SYNJ2: variants seen among roughly 807,000 people sequenced by gnomAD.
SYNJ2 encodes polyphosphatidylinositol phosphatase SYNJ2.
In SYNJ2, 116 loss-of-function variants were observed where a neutral mutation model predicts 141.3. The ratio of observed to expected loss-of-function variants is 0.82; its 90% CI spans 0.71 to 0.96. The LOEUF (loss-of-function observed/expected upper bound fraction) is 0.96, where lower values mean the gene tolerates loss of function less well. SYNJ2 is among the 40% of genes least tolerant of loss of function. The probability of loss-of-function intolerance (pLI) is 0.00; values close to 1 mark genes in which losing one functional copy is unlikely to be tolerated. For synonymous variants in SYNJ2, 745 were observed against 777.7 expected, an observed-to-expected ratio of 0.96 and a Z score of 0.70; for missense variants, 1,873 against 1,934.8, an observed-to-expected ratio of 0.97 and a Z score of 0.60.
intron 11 of SYNJ2, 149 bp from the exon 12 acceptor site, chr6:158,066,295 C>T (rs1398649832): frequency 1.2e-6 from 1 of 866,510 alleles, no homozygotes; most frequent in Non-Finnish European, 1.8e-6. Context: ...GGTTTTAAGC[C>T]TTTTGTCGTC....
intron 2 of SYNJ2, chr6:158,028,482 AG>A (rs1779179886): frequency 4.0e-6 from 2 of 500,000 alleles, no homozygotes; most frequent in East Asian, 7.1e-5. Flanking sequence ...CCCCAGCCTC[AG>A]GCAGCTGGGC....
At chr6:158,016,341 T>A (rs1778455100) in intron 1 of SYNJ2, among the ~76,000 whole-genome samples, 2 of 152,224 alleles carry the variant, frequency 1.3e-5, no homozygotes, top group Admixed American at 6.5e-5. Context: ...CTCGAACTTC[T>A]GACCTCAGGT....
rs527837632 is a variant in SYNJ2, at chr6:158,084,894, G to T, written c.3208+720G>T. Among the ~76,000 whole-genome samples, 1 of 151,632 alleles carries T rather than the reference G, an allele frequency of 6.6e-6. No individual in the cohort carries two copies. Among genetic ancestry groups the T allele is most frequent in the African/African-American group, 2.4e-5 (1 of 41,204 alleles). ...CTATGTCCTGAGTTGCTGGCGTATG[G>T]TCACACTCATATAATATCATATTAT... is the stretch of plus-strand genomic sequence containing the variant. On this transcript the variant is annotated intron_variant, in intron 22 of 26. Transcript: ENST00000355585. This position sits in a 1 kb window ranked among gnomAD's most constrained non-coding sequence, Gnocchi z 5.0.
At chr6:158,025,972 A>AATACATAC (rs112464236) in intron 2 of SYNJ2, among the ~76,000 whole-genome samples, 4 of 128,730 alleles carry the variant, frequency 3.1e-5, no homozygotes, top group Non-Finnish European at 5.0e-5. Context: ...ATAAATAAAT[A>AATACATAC]ATACATGCAT....
intron 1 of SYNJ2, among the ~76,000 whole-genome samples, chr6:158,011,170 C>T (rs925672611): frequency 1.7e-4 from 26 of 152,162 alleles, no homozygotes; most frequent in African/African-American, 4.8e-4. Flanking sequence ...AATTGCCACG[C>T]GACGACGGAG....
rs576994570 is a variant in SYNJ2 at position 158,027,706 on chromosome 6, C to T, written c.215-1050C>T. 3 of 152,356 alleles carry T rather than the reference C, an allele frequency of 2.0e-5. No homozygotes were observed. The East Asian group carries it at 5.8e-4, about 30-fold the overall frequency. 9.4% of individuals were successfully genotyped at this position (152,356 alleles called of 1,614,324 possible). Reference sequence around the variant, plus strand: ...TGGGGGCACAGGTGGGGAGGGAGGTCATGAGCTTTGTGTGTGTGACAACTG... The same window carrying T: ...TGGGGGCACAGGTGGGGAGGGAGGTTATGAGCTTTGTGTGTGTGACAACTG... On this transcript the variant is annotated intron_variant, in intron 2 of 26. Coordinates refer to ENST00000355585, the MANE Select transcript of SYNJ2 (RefSeq NM_003898.4). This position sits in a 1 kb window ranked among gnomAD's most constrained non-coding sequence, Gnocchi z 4.6.
intron 1 of SYNJ2, among the ~76,000 whole-genome samples, chr6:158,011,410 C>T (rs184569443): frequency 1.3e-5 from 2 of 152,280 alleles, no homozygotes; most frequent in East Asian, 3.9e-4. Context: ...GGAGAAACAT[C>T]TTCTCATGAT....
At position 158,064,763 on chromosome 6, in the gene SYNJ2, C is replaced by T. The variant is rs768513628; in HGVS notation, c.1359+13C>T. 14 of 1,612,988 alleles carry T rather than the reference C, an allele frequency of 8.7e-6. No homozygotes were observed. The highest frequency in any genetic ancestry group is 3.3e-5 in the Admixed American group (2 of 60,004). ...AGGGAAGGCCAAGGTAGGGCCCCGC[C>T]GAGGGGGCAGGGTGGGGGCCCCAGG... On this transcript the variant is annotated intron_variant, in intron 10 of 26. Transcript: ENST00000355585.
chr6:158,025,043 C>T (rs961191069), intron 2 of SYNJ2, among the ~76,000 whole-genome samples: 2 of 152,216 alleles, frequency 1.3e-5, no homozygotes, highest in Admixed American at 6.5e-5. Flanking sequence ...GACAAAGTTC[C>T]GTAGTAGACG....
chr6:158,081,428 C>G lies in SYNJ2; in HGVS notation c.2787-4C>G, dbSNP rs1003752745. On this transcript the variant is annotated splice_region_variant and splice_polypyrimidine_tract_variant and intron_variant, in intron 19 of 26. Transcript: ENST00000355585. ...GCATTGACTTGGAGTATCATTTATT[C>G]CAGGATCAACCAAGGGCAGATGCTG... is the stretch of plus-strand genomic sequence containing the variant. 6.2e-7 allele frequency: 1 copy of G among 1,613,774 alleles called. No individual in the cohort carries two copies. The highest frequency in any genetic ancestry group is 1.3e-5 in the African/African-American group (1 of 74,812).
Position 158,055,011 on chromosome 6 carries a change from T to C in SYNJ2, c.840T>C (p.Asn280=), listed in dbSNP as rs1452082327. The C allele has an allele frequency of 6.2e-7, 1 of 1,614,008 alleles. No individual in the cohort carries two copies. The highest frequency in any genetic ancestry group is 1.1e-5 in the South Asian group (1 of 91,070). ...HLRLHRGLEA[N]APAFDRHMVL... is the part of the protein sequence containing the mutation. ...GACTCCACAGAGGCCTGGAAGCCAA[T>C]GCCCCTGCTTTCGACAGGTAGGGAT... The change falls in exon 6 of 27, where the codon AAT becomes AAC. Residue 280 remains asparagine, a synonymous_variant. Transcript: ENST00000355585.
chr6:158,095,556 C>T (rs1783744727), intron 26 of SYNJ2, 62 bp from the exon 27 acceptor site: 17 of 1,515,376 alleles, frequency 1.1e-5, no homozygotes, highest in Non-Finnish European at 1.5e-5. Context: ...ACTCTGTTCT[C>T]TGATCCTCAG....
intron 12 of SYNJ2, 117 bp downstream of exon 12, chr6:158,066,752 C>A: frequency 2.5e-6 from 3 of 1,209,264 alleles, no homozygotes; most frequent in Non-Finnish European, 3.5e-6. Context: ...CTTCCCTCCT[C>A]ACAATGTCTA....
At chr6:158,087,995 C>A (rs1293840696) in intron 23 of SYNJ2, among the ~76,000 whole-genome samples, 1 of 86,530 alleles carries the variant, frequency 1.2e-5, no homozygotes, top group Non-Finnish European at 2.3e-5. Flanking sequence ...TTGTTAATGG[C>A]TGCAAGTATA....
chr6:158,089,382 CG>C (rs1233847149), intron 24 of SYNJ2, among the ~76,000 whole-genome samples: 1 of 151,940 alleles, frequency 6.6e-6, no homozygotes, highest in African/African-American at 2.4e-5. Flanking sequence ...AGTGCTTGTG[CG>C]GCCCCAGCAG....
intron 2 of SYNJ2, among the ~76,000 whole-genome samples, chr6:158,025,473 C>T (rs9459166): frequency 1.3e-5 from 2 of 150,744 alleles, no homozygotes; most frequent in South Asian, 4.2e-4. Flanking sequence ...GTCAGGAGTT[C>T]GAGACCAGCC....
At chr6:158,001,285 A>C (rs1004827110) in intron 1 of SYNJ2, 2 of 152,076 alleles carry the variant, frequency 1.3e-5, no homozygotes, top group African/African-American at 2.4e-5. Flanking sequence ...TCTGGCCTCC[A>C]GGATGACTAT....
Position 158,097,014 on chromosome 6 carries a change from C to G in SYNJ2, c.*650C>G, listed in dbSNP as rs367651195. 1.6e-4 allele frequency: 25 copies of G among 152,874 alleles called. No homozygotes were observed. Among genetic ancestry groups the G allele is most frequent in the African/African-American group, 5.8e-4 (24 of 41,578 alleles). The allele number at this position is 152,874 out of a possible 1,614,324, so 9.5% of individuals were successfully genotyped here. On this transcript the variant is annotated 3_prime_UTR_variant, in exon 27 of 27. Coordinates refer to ENST00000355585, the MANE Select transcript of SYNJ2 (RefSeq NM_003898.4). ...CGGTGGCATACACCGTTAGCTTAACCTTAGCTTAAACTAGCTGAAGGCTCC... is the reference window on the plus strand; with the variant it reads ...CGGTGGCATACACCGTTAGCTTAACGTTAGCTTAAACTAGCTGAAGGCTCC...
In SYNJ2 at chr6:158,033,593, C is replaced by T. The variant is rs766828279; in HGVS notation, c.624C>T (p.Arg208=). 41 of 1,613,872 alleles carry T rather than the reference C, an allele frequency of 2.5e-5. No homozygotes were observed. The highest frequency in any genetic ancestry group is 1.6e-4 in the Middle Eastern group (1 of 6,084). The change falls in exon 4 of 27, where the codon CGC becomes CGT. Residue 208 remains arginine (R), a synonymous_variant. Transcript: ENST00000355585. Reference sequence around the variant, plus strand: ...AGGCCAAGGCCTGCCTCGTCTCTCGCGTTAGCTGTGAGCGCACAGGCACTC... The same window carrying T: ...AGGCCAAGGCCTGCCTCGTCTCTCGTGTTAGCTGTGAGCGCACAGGCACTC... The part of the protein sequence containing the change: ...HKQAKACLVS[R]VSCERTGTRF...
Sources: allele counts gnomAD v4.1 joint callset (sites outside exome capture counted in the v4.1 genomes callset), GRCh38; gene constraint gnomAD v4.1.1; non-coding constraint Gnocchi (gnomAD v3.1); transcripts MANE v1.5; gene names NCBI Gene and HGNC (gene_info 2026-07-23, HGNC 2026-07-21).